DPPA2: variants seen among roughly 807,000 people sequenced by gnomAD.
DPPA2 encodes the protein developmental pluripotency-associated protein 2.
In DPPA2, 26 loss-of-function variants were observed where a neutral mutation model predicts 36.2. The observed-to-expected ratio is 0.72, with a 90% confidence interval of 0.53 to 1.00. DPPA2 has a LOEUF of 1.00. Among genes scored for constraint, DPPA2 ranks in the 50% least tolerant of loss-of-function variants. DPPA2 has a pLI of 0.00. For synonymous variants in DPPA2, 113 were observed against 123.2 expected, an observed-to-expected ratio of 0.92 and a Z score of 0.55; for missense variants, 361 against 365.1, an observed-to-expected ratio of 0.99 and a Z score of 0.09.
intron 7 of DPPA2, 50 bp downstream of exon 7, chr3:109,304,425 A>T: frequency 2.6e-6 from 4 of 1,522,704 alleles, no homozygotes; most frequent in Non-Finnish European, 3.5e-6. Context: ...AAATCCATCT[A>T]TACACCTACT....
At chr3:109,307,413 C>T (rs1707592337) in intron 6 of DPPA2, among the ~76,000 whole-genome samples, 2 of 151,726 alleles carry the variant, frequency 1.3e-5, no homozygotes, top group African/African-American at 4.8e-5. Context: ...ACCAGCCTGG[C>T]CAACATAGTG....
chr3:109,304,986 A>C (rs895189272), intron 6 of DPPA2, among the ~76,000 whole-genome samples: 1 of 152,170 alleles, frequency 6.6e-6, no homozygotes, highest in Non-Finnish European at 1.5e-5. Flanking sequence ...ATCTCTACTA[A>C]AAATGCAAAA....
intron 8 of DPPA2, among the ~76,000 whole-genome samples, chr3:109,296,323 C>G (rs1364838089): frequency 6.6e-6 from 1 of 152,184 alleles, no homozygotes. Flanking sequence ...GTAAGAATTA[C>G]ATTGGACTTC....
At chr3:109,308,983 G>T (rs372379947) in intron 5 of DPPA2, 43 bp downstream of exon 5, 2 of 1,612,850 alleles carry the variant, frequency 1.2e-6, no homozygotes, top group Non-Finnish European at 1.7e-6. Flanking sequence ...GACGAATCAT[G>T]ATCAGAACCC....
At chr3:109,315,769 A>C (rs1707775300) in intron 1 of DPPA2, among the ~76,000 whole-genome samples, 2 of 152,088 alleles carry the variant, frequency 1.3e-5, no homozygotes, top group African/African-American at 4.8e-5. Context: ...CATGTCTGTA[A>C]TCCTTTGGGA....
intron 8 of DPPA2, among the ~76,000 whole-genome samples, chr3:109,296,033 T>G (rs893574285): frequency 2.0e-5 from 3 of 152,168 alleles, no homozygotes; most frequent in African/African-American, 7.2e-5. Flanking sequence ...TAAAAAGAAC[T>G]GAATATCCAA....
chr3:109,309,380 T>C, intron 3 of DPPA2, 50 bp from the exon 4 acceptor site: 2 of 1,605,118 alleles, frequency 1.2e-6, no homozygotes, highest in Non-Finnish European at 1.7e-6. Context: ...TTGGCAAGAT[T>C]ATTTTAAAAT....
At chr3:109,310,672 A>G (rs1707691463) in intron 3 of DPPA2, among the ~76,000 whole-genome samples, 1 of 151,034 alleles carries the variant, frequency 6.6e-6, no homozygotes, top group Non-Finnish European at 1.5e-5. Flanking sequence ...TGCCCAGCTA[A>G]TTTTTGTATT....
intron 1 of DPPA2, among the ~76,000 whole-genome samples, chr3:109,315,033 T>G (rs1006681534): frequency 1.1e-4 from 17 of 151,908 alleles, no homozygotes; most frequent in Non-Finnish European, 2.1e-4. Context: ...ACCACTGCAC[T>G]CCAGCTTCGC....
intron 7 of DPPA2, among the ~76,000 whole-genome samples, chr3:109,303,093 T>C (rs980841803): frequency 3.9e-5 from 6 of 152,132 alleles, no homozygotes; most frequent in Admixed American, 6.6e-5. Context: ...ATATATTATA[T>C]TCTTTATTTA....
chr3:109,303,935 G>A (rs1235839958), intron 7 of DPPA2, among the ~76,000 whole-genome samples: 1 of 151,604 alleles, frequency 6.6e-6, no homozygotes, highest in Non-Finnish European at 1.5e-5. Flanking sequence ...TCAGGAGCTT[G>A]AGACCAGCCT....
At chr3:109,313,818 T>C (rs1389839562) in intron 2 of DPPA2, among the ~76,000 whole-genome samples, 1 of 152,198 alleles carries the variant, frequency 6.6e-6, no homozygotes, top group Non-Finnish European at 1.5e-5. Flanking sequence ...TGACATTATT[T>C]AGGGAATACT....
At chr3:109,296,631 C>T (rs112338849) in intron 8 of DPPA2, among the ~76,000 whole-genome samples, 4,554 of 151,434 alleles carry the variant, frequency 0.03, 94 homozygotes, top group Middle Eastern at 0.068. Context: ...GCCAAGATCG[C>T]GCCATTGCGC....
At chr3:109,295,708 A>G (rs1385089731) in intron 8 of DPPA2, among the ~76,000 whole-genome samples, 2 of 152,098 alleles carry the variant, frequency 1.3e-5, no homozygotes, top group Admixed American at 6.6e-5. Flanking sequence ...AGACAAAGGA[A>G]GCATCAGATC....
intron 1 of DPPA2, among the ~76,000 whole-genome samples, chr3:109,315,006 C>T: frequency 6.6e-6 from 1 of 152,052 alleles, no homozygotes; most frequent in East Asian, 1.9e-4. Flanking sequence ...GCGCAGGTTA[C>T]AGCGATCCGA....
chr3:109,298,116 C>T (rs1707385257), intron 8 of DPPA2, among the ~76,000 whole-genome samples: 1 of 151,926 alleles, frequency 6.6e-6, no homozygotes, highest in Non-Finnish European at 1.5e-5. Context: ...CTATGGTTTC[C>T]AGTGTATGGG....
At chr3:109,303,032 C>G (rs1217297120) in intron 7 of DPPA2, among the ~76,000 whole-genome samples, 1 of 152,166 alleles carries the variant, frequency 6.6e-6, no homozygotes, top group Admixed American at 6.5e-5. Flanking sequence ...ACTCCCCAAA[C>G]TCATTTCTCA....
intron 7 of DPPA2, among the ~76,000 whole-genome samples, chr3:109,301,629 T>G (rs370559576): frequency 2.6e-5 from 4 of 151,586 alleles, no homozygotes; most frequent in African/African-American, 9.7e-5. Context: ...TCCAGCCTGG[T>G]TGACAGAGCC....
intron 3 of DPPA2, among the ~76,000 whole-genome samples, chr3:109,312,052 G>C (rs974489255): frequency 7.2e-5 from 11 of 152,186 alleles, no homozygotes; most frequent in African/African-American, 2.4e-4. Flanking sequence ...TTAAAAGTAA[G>C]GCAGTACAGG....
Sources: gnomAD v4.1 joint callset for allele counts (sites outside exome capture counted in the v4.1 genomes callset) on GRCh38, gnomAD v4.1.1 for gene constraint, MANE v1.5 for transcripts, NCBI Gene and HGNC (gene_info 2026-07-23, HGNC 2026-07-21) for gene names.